The following MROH2A variants were observed in gnomAD, a reference collection of about 807,000 sequenced individuals.
The protein encoded by MROH2A is maestro heat-like repeat-containing protein family member 2A.
A neutral mutation model predicts 200.4 loss-of-function variants in MROH2A; 174 were observed. The observed-to-expected ratio is 0.87, with a 90% CI of 0.77 to 0.98. The LOEUF is 0.98. Ranked by LOEUF, MROH2A falls within the 50% of genes least tolerant of loss-of-function variation. MROH2A has a pLI of 0.00. For missense variants in MROH2A, 2,045 were observed against 2,139.6 expected, an observed-to-expected ratio of 0.96 and a Z score of 0.87; for synonymous variants, 829 against 840.4, an observed-to-expected ratio of 0.99 and a Z score of 0.23.
chr2:233,799,215 A>G (rs1224598597), intron 12 of MROH2A, among the ~76,000 whole-genome samples: 1 of 152,026 alleles, frequency 6.6e-6, no homozygotes, highest in Non-Finnish European at 1.5e-5. Context: ...AAGGCTGAAA[A>G]CCACAGTCCC....
intron 5 of MROH2A, among the ~76,000 whole-genome samples, chr2:233,792,134 G>C (rs1701805611): frequency 6.6e-6 from 1 of 152,030 alleles, no homozygotes; most frequent in South Asian, 2.1e-4. Flanking sequence ...CCTGTGTCCG[G>C]GAGGATGGAC....
At chr2:233,778,101 T>A (rs189137644), upstream of MROH2A, among the ~76,000 whole-genome samples, 7 of 152,228 alleles carry the variant, frequency 4.6e-5, no homozygotes, top group African/African-American at 1.7e-4. Context: ...CATCCCCACT[T>A]CTACCATCTC....
intron 18 of MROH2A, 79 bp downstream of exon 18, chr2:233,804,626 G>A (rs1204707235): frequency 1.5e-6 from 2 of 1,326,154 alleles, no homozygotes; most frequent in South Asian, 1.3e-5. Flanking sequence ...GGTGGGCTGG[G>A]CACATGAGGA....
At position 233,807,321 on chromosome 2, in the gene MROH2A, T is replaced by G. The variant is rs1443725652; in HGVS notation, c.2053-102T>G. On this transcript the variant is annotated intron_variant, in intron 19 of 41. Transcript: ENST00000389758. This position sits in a 1 kb window ranked among gnomAD's most constrained non-coding sequence, Gnocchi z 4.3. ...CGTGTGTGCAAGTATCTTCTGCACATTAAAATAAATTGAAAAATACGTAGA... is the reference window on the plus strand; with the variant it reads ...CGTGTGTGCAAGTATCTTCTGCACAGTAAAATAAATTGAAAAATACGTAGA... 1 of 1,295,984 alleles carries G rather than the reference T, an allele frequency of 7.7e-7. No homozygotes were observed. Among genetic ancestry groups the G allele is most frequent in the East Asian group, 2.6e-5 (1 of 39,144 alleles). The allele number at this position is 1,295,984 out of a possible 1,614,324, so 80.3% of individuals were successfully genotyped here.
Position 233,828,692 on chromosome 2 carries a change from G to A in MROH2A, c.4176G>A (p.Glu1392=). 1.3e-6 allele frequency: 2 copies of A among 1,550,766 alleles called. No homozygotes were observed. The highest frequency in any genetic ancestry group is 1.4e-5 in the African/African-American group (1 of 73,188). ...TGAAGCCGGCAGCTTTGCTGCTGGA[G>A]AAGGGTGCCGACCAGGAGGAAGACG... is the stretch of plus-strand genomic sequence containing the variant. The part of the protein sequence containing the change: ...KLLKPAALLL[E]KGADQEEDEA... The change falls in exon 36 of 42, where the codon GAG becomes GAA. Residue 1392 remains glutamate (E), a synonymous_variant. Transcript: ENST00000389758. This position sits in a 1 kb window ranked among gnomAD's most constrained non-coding sequence, Gnocchi z 4.6.
Position 233,829,731 on chromosome 2 carries a change from C to T in MROH2A, c.4558C>T (p.Pro1520Ser). 6.8e-7 allele frequency: 1 copy of T among 1,476,396 alleles called. No individual in the cohort carries two copies. The highest frequency in any genetic ancestry group is 9.0e-7 in the Non-Finnish European group (1 of 1,110,328). The allele number at this position is 1,476,396 out of a possible 1,614,324, so 91.5% of individuals were successfully genotyped here. The change falls in exon 38 of 42, where the codon CCC becomes TCC. Residue 1520 changes from proline to serine, a missense_variant. Physicochemically the swap from Pro to Ser is moderately conservative, Grantham distance 74. Coordinates refer to ENST00000389758, the MANE Select transcript of MROH2A (RefSeq NM_001394639.1). ...AGGGGAGGTGAAGAAGGCCTGGATC[C>T]CCCTCATGCTGCACTCCCAGGACCC... Reference protein sequence around the residue: ...FKGEVKKAWIPLMLHSQDPCS... With the variant: ...FKGEVKKAWISLMLHSQDPCS...
chr2:233,803,344 G>C, intron 15 of MROH2A, 104 bp from the exon 16 acceptor site: 2 of 1,255,882 alleles, frequency 1.6e-6, no homozygotes, highest in Non-Finnish European at 2.2e-6. Flanking sequence ...ACAAGATCAT[G>C]TTGGGGAGGA....
In MROH2A at chr2:233,822,119, G is replaced by C; in HGVS notation, c.3513-5G>C. 1 of 1,547,630 alleles carries C rather than the reference G, an allele frequency of 6.5e-7. No homozygotes were observed. Among genetic ancestry groups the C allele is most frequent in the Non-Finnish European group, 8.7e-7 (1 of 1,145,248 alleles). On this transcript the variant is annotated splice_polypyrimidine_tract_variant and splice_region_variant and intron_variant, in intron 31 of 41. Transcript: ENST00000389758. ...TCACAGTCCTTGTGCCCTGACTTTG[G>C]TTAGCCACCTGGCAGAGGTGTGGCT...
rs1416803874 is a variant in MROH2A, at chr2:233,828,591, C to T, written c.4114-39C>T. ...TCCCACCTTGCTGCTGAGAAATGAGCCCGCCCTGGGGATAACTGCCCAATG... is the reference window on the plus strand; with the variant it reads ...TCCCACCTTGCTGCTGAGAAATGAGTCCGCCCTGGGGATAACTGCCCAATG... On this transcript the variant is annotated intron_variant, in intron 35 of 41. Transcript: ENST00000389758. This position sits in a 1 kb window ranked among gnomAD's most constrained non-coding sequence, Gnocchi z 4.6. The T allele has an allele frequency of 1.3e-6, 2 of 1,540,838 alleles. No individual in the cohort carries two copies. The highest frequency in any genetic ancestry group is 2.4e-5 in the South Asian group (2 of 83,560).
At chr2:233,832,315 T>C (rs1180016974) in intron 40 of MROH2A, 36 bp downstream of exon 40, 2 of 1,529,714 alleles carry the variant, frequency 1.3e-6, no homozygotes, top group South Asian at 2.4e-5. Flanking sequence ...CAAGATAGAC[T>C]TTGAAGGCCC....
chr2:233,825,575 C>T (rs1441054214), intron 35 of MROH2A, among the ~76,000 whole-genome samples: 1 of 152,134 alleles, frequency 6.6e-6, no homozygotes, highest in African/African-American at 2.4e-5. Flanking sequence ...TTGAGATAAT[C>T]ATGTGGTTTT....
intron 14 of MROH2A, among the ~76,000 whole-genome samples, chr2:233,801,364 C>T (rs1028593356): frequency 8.6e-5 from 13 of 152,036 alleles, no homozygotes; most frequent in African/African-American, 1.4e-4. Flanking sequence ...GGGTGTTGAA[C>T]GGTCACCCAG....
chr2:233,805,124 A>G lies in MROH2A; in HGVS notation c.2052+13A>G. On this transcript the variant is annotated intron_variant, in intron 19 of 41. Transcript: ENST00000389758. ...CTCTCTGGAGAAGGTTTGTCTTCAT[A>G]GGGACAGGAGAGTTTGGACAAGGAG... is the stretch of plus-strand genomic sequence containing the variant. 6.5e-7 allele frequency: 1 copy of G among 1,527,926 alleles called. No homozygotes were observed. The allele number at this position is 1,527,926 out of a possible 1,614,324, so 94.6% of individuals were successfully genotyped here.
intron 17 of MROH2A, 92 bp from the exon 18 acceptor site, chr2:233,804,403 C>G (rs1702663214): frequency 2.8e-6 from 4 of 1,433,286 alleles, no homozygotes; most frequent in Admixed American, 2.0e-5. Flanking sequence ...GCCTCAAATG[C>G]CACGCTAAGG....
chr2:233,796,645 A>G (rs952426705), intron 11 of MROH2A, among the ~76,000 whole-genome samples: 1 of 152,178 alleles, frequency 6.6e-6, no homozygotes, highest in African/African-American at 2.4e-5. Flanking sequence ...ATGCTCAACC[A>G]TAGTCTACAC....
chr2:233,814,110 G>T (rs1414018799), intron 25 of MROH2A, among the ~76,000 whole-genome samples: 1 of 152,164 alleles, frequency 6.6e-6, no homozygotes, highest in African/African-American at 2.4e-5. Flanking sequence ...TGAATCCCAA[G>T]ATCCCAATCA....
intron 24 of MROH2A, among the ~76,000 whole-genome samples, chr2:233,812,439 A>G (rs2126149200): frequency 6.6e-6 from 1 of 152,316 alleles, no homozygotes; most frequent in East Asian, 1.9e-4. Flanking sequence ...TGGATTTATA[A>G]AATTAGTATT....
At chr2:233,814,497 C>A in intron 25 of MROH2A, 85 bp from the exon 26 acceptor site, 1 of 894,964 alleles carries the variant, frequency 1.1e-6, no homozygotes, top group East Asian at 2.7e-5. Context: ...ACTGCCAGAC[C>A]CCTCCCTGGC....
chr2:233,777,357 C>T (rs1006371524), upstream of MROH2A, among the ~76,000 whole-genome samples: 1 of 152,146 alleles, frequency 6.6e-6, no homozygotes, highest in Non-Finnish European at 1.5e-5. Context: ...GCAACCACAT[C>T]ACCTCAGTGA....
Sources: allele counts gnomAD v4.1 joint callset (sites outside exome capture counted in the v4.1 genomes callset), GRCh38; gene constraint gnomAD v4.1.1; non-coding constraint Gnocchi (gnomAD v3.1); transcripts MANE v1.5; gene names NCBI Gene and HGNC (gene_info 2026-07-23, HGNC 2026-07-21).